KLHL41: variants seen among roughly 807,000 people sequenced by gnomAD.
KLHL41 encodes the protein kelch-like protein 41.
Under a neutral mutation model 49.2 loss-of-function variants are expected in KLHL41, and 31 were observed. The observed-to-expected ratio is 0.63, with a 90% CI of 0.47 to 0.85. The LOEUF is 0.85. Among genes scored for constraint, KLHL41 ranks in the 40% least tolerant of loss-of-function variants. The pLI is 0.00. For synonymous variants in KLHL41, 218 were observed against 258.5 expected (o/e 0.84, Z 1.50); for missense variants, 663 against 726.7 (o/e 0.91, Z 1.01).
At chr2:169,520,748 TG>T in intron 4 of KLHL41, 112 bp from the exon 5 acceptor site, 1 of 845,642 alleles carries the variant, frequency 1.2e-6, no homozygotes, top group Non-Finnish European at 1.8e-6. Flanking sequence ...CCACCGCGCC[TG>T]GCTGCCTGGC....
At chr2:169,519,129 G>A (rs951862294) in intron 4 of KLHL41, among the ~76,000 whole-genome samples, 1 of 151,990 alleles carries the variant, frequency 6.6e-6, no homozygotes, top group African/African-American at 2.4e-5. Context: ...ATTCCTTTAC[G>A]CTGTTTATAA....
Position 169,510,904 on chromosome 2 carries a change from T to C in KLHL41, c.1110+16T>C. On this transcript the variant is annotated intron_variant, in intron 1 of 5. Coordinates refer to ENST00000284669, the MANE Select transcript of KLHL41 (RefSeq NM_006063.3). The surrounding 1 kb of genome is among the most constrained non-coding windows in gnomAD (Gnocchi z 4.2). ...CTTCTTCCAGGTAAGAAGGACTTTT[T>C]GTATATGTAGTTGCTTAAAGGGAAG... The C allele has an allele frequency of 6.2e-7, 1 of 1,604,132 alleles. No individual in the cohort carries two copies. The highest frequency in any genetic ancestry group is 8.5e-7 in the Non-Finnish European group (1 of 1,174,194).
intron 5 of KLHL41, 146 bp from the exon 6 acceptor site, chr2:169,525,439 T>C (rs1684288760): frequency 6.8e-6 from 4 of 589,948 alleles, no homozygotes; most frequent in South Asian, 6.5e-5. Flanking sequence ...TTGGGAGATA[T>C]TTAAGTTCTG....
chr2:169,518,488 C>T (rs1004490616), intron 4 of KLHL41, 113 bp downstream of exon 4: 3 of 699,590 alleles, frequency 4.3e-6, no homozygotes, highest in African/African-American at 3.6e-5. Context: ...GGGTACAGAG[C>T]CACAGATTAC....
chr2:169,524,916 A>G (rs1220214770), intron 5 of KLHL41, among the ~76,000 whole-genome samples: 2 of 152,198 alleles, frequency 1.3e-5, no homozygotes, highest in Non-Finnish European at 2.9e-5. Flanking sequence ...AGAAGGCGGC[A>G]TTTAGAAGCT....
At chr2:169,520,551 A>T in intron 4 of KLHL41, among the ~76,000 whole-genome samples, 1 of 152,060 alleles carries the variant, frequency 6.6e-6, no homozygotes, top group East Asian at 1.9e-4. Flanking sequence ...TCCCAGGTTC[A>T]AGTGATTCTC....
At chr2:169,519,750 A>T (rs1684169866) in intron 4 of KLHL41, among the ~76,000 whole-genome samples, 1 of 151,688 alleles carries the variant, frequency 6.6e-6, no homozygotes, top group Non-Finnish European at 1.5e-5. Flanking sequence ...ATTAGAAAAA[A>T]ATCGGCTAAT....
At chr2:169,516,438 G>A (rs1684114872) in intron 3 of KLHL41, among the ~76,000 whole-genome samples, 1 of 152,064 alleles carries the variant, frequency 6.6e-6, no homozygotes, top group Admixed American at 6.6e-5. Context: ...TTAAAGGAAG[G>A]TATATTATAT....
In KLHL41 at chr2:169,514,687, T is replaced by C; in HGVS notation, c.1224T>C (p.Leu408=). Residue 408 remains leucine (L), a synonymous_variant, in exon 2 of 6, where the codon CTT becomes CTC. Coordinates refer to ENST00000284669, the MANE Select transcript of KLHL41 (RefSeq NM_006063.3). ...TCTATGTAGTTGCAGGCAAAGACCTTCAAACAGAGGCTTCGCTGGATTCAG... is the reference window on the plus strand; with the variant it reads ...TCTATGTAGTTGCAGGCAAAGACCTCCAAACAGAGGCTTCGCTGGATTCAG... ...DKIYVVAGKD[L]QTEASLDSVL... 1 of 1,614,146 alleles carries C rather than the reference T, an allele frequency of 6.2e-7. No individual in the cohort carries two copies. The highest frequency in any genetic ancestry group is 1.7e-5 in the Admixed American group (1 of 60,030).
chr2:169,518,436 T>G lies in KLHL41; in HGVS notation c.1562+61T>G, dbSNP rs1684150263. 5 of 1,287,334 alleles carry G rather than the reference T, an allele frequency of 3.9e-6. No homozygotes were observed. The Admixed American group carries it at 1.1e-4, about 28-fold the overall frequency. 79.7% of individuals were successfully genotyped at this position (1,287,334 alleles called of 1,614,324 possible). ...AACTATACATTTTAATTGTTAACTT[T>G]GGATAAAAAGTTATCTTTCTAATTA... On this transcript the variant is annotated intron_variant, in intron 4 of 5. Transcript: ENST00000284669.
chr2:169,518,831 A>G (rs1379374134), intron 4 of KLHL41, among the ~76,000 whole-genome samples: 7 of 152,104 alleles, frequency 4.6e-5, no homozygotes, highest in Admixed American at 4.6e-4. Context: ...CACTATGCCC[A>G]GCTAATTTTT....
Position 169,510,885 on chromosome 2 carries a change from C to G in KLHL41, c.1107C>G (p.Phe369Leu). 6.2e-7 allele frequency: 1 copy of G among 1,610,416 alleles called. No individual in the cohort carries two copies. Among genetic ancestry groups the G allele is most frequent in the Non-Finnish European group, 8.5e-7 (1 of 1,177,696 alleles). The change falls in exon 1 of 6, where the codon TTC becomes TTG. Residue 369 changes from phenylalanine to leucine, a missense_variant. Physicochemically the swap from Phe to Leu is conservative, Grantham distance 22. Transcript: ENST00000284669. The surrounding 1 kb of genome is among the most constrained non-coding windows in gnomAD (Gnocchi z 4.2). ...ATCAACCTCTACAGTCATACTTCTT[C>G]CAGGTAAGAAGGACTTTTTGTATAT... ...NKDQPLQSYF[F>L]QLDSIASEWV...
At position 169,514,899 on chromosome 2, in the gene KLHL41, T is replaced by C. The variant is rs1463984577; in HGVS notation, c.1314T>C (p.Tyr438=). The change falls in exon 3 of 6, where the codon TAT becomes TAC. Residue 438 remains tyrosine (Y), a synonymous_variant. Coordinates refer to ENST00000284669, the MANE Select transcript of KLHL41 (RefSeq NM_006063.3). ...NEVKKLPIKV[Y]GHNVISHKGM... is the part of the protein sequence containing the mutation. ...TAAAAAAACTCCCTATCAAAGTCTA[T>C]GGCCATAATGTGATTTCACATAAAG... is the stretch of plus-strand genomic sequence containing the variant. 2 of 1,611,434 alleles carry C rather than the reference T, an allele frequency of 1.2e-6. No homozygotes were observed. The highest frequency in any genetic ancestry group is 2.7e-5 in the African/African-American group (2 of 74,708).
Position 169,509,840 on chromosome 2 carries a change from A to G in KLHL41, c.62A>G (p.Asp21Gly), listed in dbSNP as rs750461573. Residue 21 changes from aspartate to glycine, a missense_variant, in exon 1 of 6, where the codon GAT (aspartate) becomes GGT (glycine). Transcript: ENST00000284669. ...CTTTACCAATCCACCCTTCTTCAGGATGGTCTAAAAGATCTCCTGGATGAG... is the reference window on the plus strand; with the variant it reads ...CTTTACCAATCCACCCTTCTTCAGGGTGGTCTAAAAGATCTCCTGGATGAG... ...LRLYQSTLLQ[D>G]GLKDLLDEKK... 6.2e-7 allele frequency: 1 copy of G among 1,613,960 alleles called. No homozygotes were observed. The highest frequency in any genetic ancestry group is 1.3e-5 in the African/African-American group (1 of 75,056).
intron 3 of KLHL41, 45 bp from the exon 4 acceptor site, chr2:169,518,145 G>A (rs767846716): frequency 9.6e-6 from 14 of 1,462,828 alleles, no homozygotes; most frequent in Non-Finnish European, 1.2e-5. Context: ...TGAAGGTGCT[G>A]TCAAAAAAAG....
At position 169,509,772 on chromosome 2, in the gene KLHL41, TCA is replaced by T; in HGVS notation, c.-4_-3del. On this transcript the variant is annotated 5_prime_UTR_variant, in exon 1 of 6. Coordinates refer to ENST00000284669, the MANE Select transcript of KLHL41 (RefSeq NM_006063.3). ...GTGTCCCCTTCCTTACCCAGGTTTC[TCA>T]CAGAATGGATTCCCAGCGGGAACTT... The T allele has an allele frequency of 1.2e-6, 2 of 1,604,872 alleles. No individual in the cohort carries two copies. The highest frequency in any genetic ancestry group is 1.1e-5 in the South Asian group (1 of 90,378).
Position 169,520,852 on chromosome 2 carries a change from G to A in KLHL41, c.1563-9G>A. 2 of 1,584,840 alleles carry A rather than the reference G, an allele frequency of 1.3e-6. No homozygotes were observed. Among genetic ancestry groups the A allele is most frequent in the Non-Finnish European group, 1.7e-6 (2 of 1,160,896 alleles). ...GTTTTACATTGACTATATTTTTAAT[G>A]ATACCTAGATGGGATGTAATGACCG... On this transcript the variant is annotated splice_polypyrimidine_tract_variant and intron_variant, in intron 4 of 5. Transcript: ENST00000284669.
intron 3 of KLHL41, 76 bp from the exon 4 acceptor site, chr2:169,518,114 C>A: frequency 1.9e-6 from 2 of 1,057,980 alleles, no homozygotes; most frequent in Non-Finnish European, 2.7e-6. Context: ...TTTTTCATGA[C>A]AAGCAAAGCC....
Position 169,525,686 on chromosome 2 carries a change from C to CT in KLHL41, c.1812dup (p.Lys605Ter). 1 of 1,595,360 alleles carries CT rather than the reference C, an allele frequency of 6.3e-7. No individual in the cohort carries two copies. Among genetic ancestry groups the CT allele is most frequent in the Non-Finnish European group, 8.6e-7 (1 of 1,163,244 alleles). ...ACACGTTTAAATCTCTTCAAACTGT[C>CT]TAAACTGTGAACAAGGTGACAAAAC... is the stretch of plus-strand genomic sequence containing the variant. On this transcript the variant is annotated frameshift_variant, in exon 6 of 6. Transcript: ENST00000284669. LOFTEE classifies it high-confidence loss of function.
Sources: allele counts gnomAD v4.1 joint callset (sites outside exome capture counted in the v4.1 genomes callset), GRCh38; gene constraint gnomAD v4.1.1; non-coding constraint Gnocchi (gnomAD v3.1); transcripts MANE v1.5; gene names NCBI Gene and HGNC (gene_info 2026-07-23, HGNC 2026-07-21).